LEPROT: variants seen among roughly 807,000 people sequenced by gnomAD.
LEPROT encodes leptin receptor gene-related protein.
LEPROT carries 3 observed loss-of-function variants against 15.4 expected under a neutral mutation model. The ratio of observed to expected loss-of-function variants is 0.19; its 90% CI spans 0.09 to 0.50. LEPROT has a LOEUF of 0.50. Among genes scored for constraint, LEPROT ranks in the 20% least tolerant of loss-of-function variants. The pLI is 0.97. For synonymous variants in LEPROT, 59 were observed against 57.5 expected, an observed-to-expected ratio of 1.03 and a Z score of -0.12; for missense variants, 137 against 162.2, an observed-to-expected ratio of 0.84 and a Z score of 0.84.
rs1646535865 is a variant in LEPROT, at chr1:65,434,772, A to T, written c.*2853A>T. ...GTTTTGTTCACCTCTCCCAACTGAG[A>T]ACCTTCCCACTGGGCTCCATCCTCC... On this transcript the variant is annotated 3_prime_UTR_variant, in exon 4 of 4. Coordinates refer to ENST00000371065, the MANE Select transcript of LEPROT (RefSeq NM_017526.5). The T allele has an allele frequency of 2.0e-6, 2 of 985,346 alleles. No individual in the cohort carries two copies. Among genetic ancestry groups the T allele is most frequent in the East Asian group, 1.1e-4 (1 of 8,808 alleles). 61.0% of individuals were successfully genotyped at this position (985,346 alleles called of 1,614,324 possible). A position where few individuals can be genotyped will look rare whatever the true frequency, so the allele number is the denominator to read the frequency against.
At chr1:65,430,074 C>T (rs768747471) in intron 3 of LEPROT, 26 bp downstream of exon 3, 1 of 1,531,710 alleles carries the variant, frequency 6.5e-7, no homozygotes, top group South Asian at 1.2e-5. Context: ...TATTGTTTTG[C>T]CCAACCGTTG....
intron 2 of LEPROT, among the ~76,000 whole-genome samples, chr1:65,428,319 T>C (rs1240221897): frequency 2.0e-5 from 3 of 152,220 alleles, no homozygotes; most frequent in African/African-American, 7.2e-5. Context: ...TGTCACTGTA[T>C]TCCAGGAAAA....
In LEPROT at chr1:65,421,338, A is replaced by AGT. The variant is rs1311531276; in HGVS notation, c.16+607_16+608dup. ...TCTGTTTATGGACAGAGAAGAAACC[A>AGT]GTGTGTGTGTAGTATGTGTTTTTTG... On this transcript the variant is annotated intron_variant, in intron 1 of 3. Transcript: ENST00000371065. The AGT allele has an allele frequency of 5.9e-6, 9 of 1,533,590 alleles. No homozygotes were observed. In the Admixed American group the frequency reaches 5.9e-5, roughly 10 times the overall value. 95.0% of individuals were successfully genotyped at this position (1,533,590 alleles called of 1,614,324 possible). A position where few individuals can be genotyped will look rare whatever the true frequency, so the allele number is the denominator to read the frequency against.
At chr1:65,428,876 AGTTTT>A (rs1486173033) in intron 2 of LEPROT, among the ~76,000 whole-genome samples, 1 of 152,112 alleles carries the variant, frequency 6.6e-6, no homozygotes, top group African/African-American at 2.4e-5. Context: ...GGAGGAAAAC[AGTTTT>A]GTTTTGTTTT....
chr1:65,420,883 C>T, intron 1 of LEPROT, 143 bp downstream of exon 1: 1 of 1,072,514 alleles, frequency 9.3e-7, no homozygotes. Context: ...GGCGATCGAC[C>T]GCTCCCTTCG....
intron 2 of LEPROT, among the ~76,000 whole-genome samples, chr1:65,425,892 A>G (rs1198021048): frequency 6.6e-6 from 1 of 152,172 alleles, no homozygotes; most frequent in African/African-American, 2.4e-5. Context: ...AACATTCTAC[A>G]CATTTTTTCA....
Position 65,435,734 on chromosome 1 carries a change from G to A in LEPROT, c.*3815G>A, listed in dbSNP as rs528544358. The A allele has an allele frequency of 1.4e-5, 14 of 985,182 alleles. No individual in the cohort carries two copies. In the South Asian group the frequency reaches 6.1e-4, roughly 43 times the overall value. The allele number at this position is 985,182 out of a possible 1,614,324, so 61.0% of individuals were successfully genotyped here. On this transcript the variant is annotated 3_prime_UTR_variant, in exon 4 of 4. Coordinates refer to ENST00000371065, the MANE Select transcript of LEPROT (RefSeq NM_017526.5). The stretch of plus-strand genomic sequence containing the variant: ...CCAATAGAACCAAAATATTTATGAG[G>A]ATGCTAGCATTTTCCAAGCATAGTA...
At chr1:65,427,874 C>T in intron 2 of LEPROT, 1 of 251,660 alleles carries the variant, frequency 4.0e-6, no homozygotes. Flanking sequence ...CTCCTGGCCT[C>T]AAGTCATCCT....
At chr1:65,424,561 C>G (rs559953547) in intron 1 of LEPROT, among the ~76,000 whole-genome samples, 2 of 152,046 alleles carry the variant, frequency 1.3e-5, no homozygotes, top group African/African-American at 2.4e-5. Context: ...TTCAAGGTGG[C>G]AGACATGGGT....
At chr1:65,427,267 A>C (rs1012941679) in intron 2 of LEPROT, among the ~76,000 whole-genome samples, 9 of 152,152 alleles carry the variant, frequency 5.9e-5, no homozygotes, top group African/African-American at 1.9e-4. Flanking sequence ...AGACTTACCC[A>C]GATTGAACAG....
At chr1:65,424,525 C>T (rs753442350) in intron 1 of LEPROT, among the ~76,000 whole-genome samples, 1 of 145,446 alleles carries the variant, frequency 6.9e-6, no homozygotes, top group Non-Finnish European at 1.5e-5. Flanking sequence ...ACTGGAATTA[C>T]TTGAGACCTT....
At chr1:65,426,131 T>C (rs1263518808) in intron 2 of LEPROT, among the ~76,000 whole-genome samples, 1 of 133,366 alleles carries the variant, frequency 7.5e-6, no homozygotes, top group Non-Finnish European at 1.5e-5. Context: ...TCAGAGGAGG[T>C]AAAAAGTGAG....
chr1:65,434,287 C>G lies in LEPROT; in HGVS notation c.*2368C>G. ...ATACAAAAGTTTGATCATGGTGACACAAATGTTGGACATTTTTTTCCTTAT... is the reference window on the plus strand; with the variant it reads ...ATACAAAAGTTTGATCATGGTGACAGAAATGTTGGACATTTTTTTCCTTAT... On this transcript the variant is annotated 3_prime_UTR_variant, in exon 4 of 4. Coordinates refer to ENST00000371065, the MANE Select transcript of LEPROT (RefSeq NM_017526.5). 3.0e-6 allele frequency: 3 copies of G among 983,732 alleles called. No homozygotes were observed. The highest frequency in any genetic ancestry group is 3.6e-6 in the Non-Finnish European group (3 of 828,464). 60.9% of individuals were successfully genotyped at this position (983,732 alleles called of 1,614,324 possible). A position where few individuals can be genotyped will look rare whatever the true frequency, so the allele number is the denominator to read the frequency against.
At chr1:65,427,720 C>A in intron 2 of LEPROT, 1 of 334,082 alleles carries the variant, frequency 3.0e-6, no homozygotes, top group Non-Finnish European at 6.0e-6. Context: ...AAGAAAATGA[C>A]TCATTACTGC....
rs1450043721 is a variant in LEPROT, at chr1:65,433,828, G to A, written c.*1909G>A. On this transcript the variant is annotated 3_prime_UTR_variant, in exon 4 of 4. Transcript: ENST00000371065. ...AAAAGTTTAACTTTAAAATTTTTTTGTGATGTTGCCTTGCCTGAAAAGATA... is the reference window on the plus strand; with the variant it reads ...AAAAGTTTAACTTTAAAATTTTTTTATGATGTTGCCTTGCCTGAAAAGATA... 1 of 983,842 alleles carries A rather than the reference G, an allele frequency of 1.0e-6. No homozygotes were observed. Among genetic ancestry groups the A allele is most frequent in the African/African-American group, 1.8e-5 (1 of 57,098 alleles). 60.9% of individuals were successfully genotyped at this position (983,842 alleles called of 1,614,324 possible).
At position 65,435,437 on chromosome 1, in the gene LEPROT, G is replaced by C; in HGVS notation, c.*3518G>C. On this transcript the variant is annotated 3_prime_UTR_variant, in exon 4 of 4. Coordinates refer to ENST00000371065, the MANE Select transcript of LEPROT (RefSeq NM_017526.5). ...GGCTGGAGTGCAGTGGTGCGATCTT[G>C]GCTCACTGCAAGCTCCGCCTCCCGG... 1.8e-6 allele frequency: 1 copy of C among 571,296 alleles called. No individual in the cohort carries two copies. Among genetic ancestry groups the C allele is most frequent in the Non-Finnish European group, 2.2e-6 (1 of 460,292 alleles). The allele number at this position is 571,296 out of a possible 1,614,324, so 35.4% of individuals were successfully genotyped here. A position where few individuals can be genotyped will look rare whatever the true frequency, so the allele number is the denominator to read the frequency against.
At chr1:65,424,122 A>G (rs1470497555) in intron 1 of LEPROT, among the ~76,000 whole-genome samples, 1 of 152,126 alleles carries the variant, frequency 6.6e-6, no homozygotes, top group Non-Finnish European at 1.5e-5. Context: ...AAGATTTTGT[A>G]ACAACCTTGA....
rs1040661194 is a variant in LEPROT, at chr1:65,433,448, A to G, written c.*1529A>G. 97 of 985,330 alleles carry G rather than the reference A, an allele frequency of 9.8e-5. No individual in the cohort carries two copies. The Middle Eastern group carries it at 1.5e-3, about 16-fold the overall frequency. The allele number at this position is 985,330 out of a possible 1,614,324, so 61.0% of individuals were successfully genotyped here. ...ATCTATTGAGAAAGGGAAATATGGGAAGGAGAACCATTTGATCAGAATACA... is the reference window on the plus strand; with the variant it reads ...ATCTATTGAGAAAGGGAAATATGGGGAGGAGAACCATTTGATCAGAATACA... On this transcript the variant is annotated 3_prime_UTR_variant, in exon 4 of 4. Coordinates refer to ENST00000371065, the MANE Select transcript of LEPROT (RefSeq NM_017526.5).
rs1646491698 is a variant in LEPROT, at chr1:65,431,971, T to C, written c.*52T>C. On this transcript the variant is annotated 3_prime_UTR_variant, in exon 4 of 4. Coordinates refer to ENST00000371065, the MANE Select transcript of LEPROT (RefSeq NM_017526.5). ...AATTTCTTAGAACTCATACTATCTG[T>C]ATACATGTGCACATGCGGCATTTTA... The C allele has an allele frequency of 1.3e-6, 2 of 1,570,310 alleles. No individual in the cohort carries two copies. Among genetic ancestry groups the C allele is most frequent in the Non-Finnish European group, 1.7e-6 (2 of 1,161,522 alleles).
Sources: allele counts gnomAD v4.1 joint callset (sites outside exome capture counted in the v4.1 genomes callset), GRCh38; gene constraint gnomAD v4.1.1; transcripts MANE v1.5; gene names NCBI Gene and HGNC (gene_info 2026-07-23, HGNC 2026-07-21).